The following SCTR variants were observed in gnomAD, a reference collection of about 807,000 sequenced individuals.
SCTR encodes the protein secretin receptor.
Under a neutral mutation model 60.8 loss-of-function variants are expected in SCTR, and 56 were observed. That is an observed-to-expected ratio of 0.92 (90% CI 0.74 to 1.15). The LOEUF (loss-of-function observed/expected upper bound fraction) is 1.15. Ranked by LOEUF, SCTR falls within the 50% of genes most tolerant of loss-of-function variation. The pLI is 0.00. For missense variants in SCTR, 562 were observed against 550.4 expected, an observed-to-expected ratio of 1.02 and a Z score of -0.21; for synonymous variants, 202 against 217.0, an observed-to-expected ratio of 0.93 and a Z score of 0.61.
intron 11 of SCTR, among the ~76,000 whole-genome samples, chr2:119,442,339 C>A (rs970546283): frequency 3.9e-5 from 6 of 152,226 alleles, no homozygotes; most frequent in African/African-American, 9.6e-5. Flanking sequence ...CAGCAGGAAG[C>A]AGTGTCTCTG....
At chr2:119,486,663 G>A (rs1363389382) in intron 2 of SCTR, 1 of 152,196 alleles carries the variant, frequency 6.6e-6, no homozygotes, top group African/African-American at 2.4e-5. Context: ...GCTGAGTCCT[G>A]TTTCGGCTCT....
chr2:119,460,158 G>A (rs1358781715), intron 7 of SCTR, among the ~76,000 whole-genome samples: 1 of 151,852 alleles, frequency 6.6e-6, no homozygotes, highest in Non-Finnish European at 1.5e-5. Flanking sequence ...CCCTGATCGG[G>A]AGACAGGGCC....
At chr2:119,443,464 A>G (rs1304453957) in intron 11 of SCTR, among the ~76,000 whole-genome samples, 1 of 152,156 alleles carries the variant, frequency 6.6e-6, no homozygotes. Flanking sequence ...TTTTCTTATT[A>G]TTTTTCTTTT....
chr2:119,452,169 G>A (rs748577345), intron 8 of SCTR, 90 bp from the exon 9 acceptor site: 7 of 772,418 alleles, frequency 9.1e-6, no homozygotes, highest in South Asian at 4.6e-5. Flanking sequence ...GTGGCCCTTG[G>A]TATGAAGGAC....
intron 1 of SCTR, among the ~76,000 whole-genome samples, chr2:119,522,744 G>A (rs557983405): frequency 1.3e-5 from 2 of 152,302 alleles, no homozygotes; most frequent in East Asian, 1.9e-4. Flanking sequence ...CAAGGAAGGA[G>A]CTATTGCCTC....
At chr2:119,466,764 T>TATACATACATACATAC (rs3052360) in intron 4 of SCTR, among the ~76,000 whole-genome samples, 47 of 151,088 alleles carry the variant, frequency 3.1e-4, no homozygotes, top group African/African-American at 1.1e-3. Context: ...TAAATAAATA[T>TATACATACATACATAC]ATACATACAT....
In SCTR at chr2:119,518,576, G is replaced by T. The variant is rs142201429; in HGVS notation, c.72+5579C>A. Among the ~76,000 whole-genome samples the T allele has an allele frequency of 3.1e-4, 47 of 152,278 alleles. No homozygotes were observed. The East Asian group carries it at 7.9e-3, about 26-fold the overall frequency. On this transcript the variant is annotated intron_variant, in intron 1 of 12. Transcript: ENST00000019103. ...GAACAGACGCACAATGTAGAGGCTG[G>T]GTGGGCCCCAGGAGTCCATAGGAAT... is the stretch of plus-strand genomic sequence containing the variant.
intron 11 of SCTR, among the ~76,000 whole-genome samples, chr2:119,445,020 T>C (rs17015887): frequency 3.2e-4 from 47 of 145,260 alleles, no homozygotes; most frequent in African/African-American, 1.3e-3. Context: ...TATAAAACTT[T>C]AAAAGATCCT....
intron 1 of SCTR, among the ~76,000 whole-genome samples, chr2:119,516,149 C>T (rs1438197572): frequency 6.6e-6 from 1 of 152,174 alleles, no homozygotes; most frequent in East Asian, 1.9e-4. Flanking sequence ...TTATGAAAGA[C>T]AGCATGGAGC....
chr2:119,521,642 T>C (rs1403671704), intron 1 of SCTR, among the ~76,000 whole-genome samples: 1 of 152,154 alleles, frequency 6.6e-6, no homozygotes, highest in African/African-American at 2.4e-5. Context: ...CGCCTCCCTA[T>C]ATGGAGTAGA....
intron 3 of SCTR, chr2:119,476,356 G>A (rs1487426056): frequency 6.6e-6 from 1 of 152,216 alleles, no homozygotes; most frequent in African/African-American, 2.4e-5. Flanking sequence ...CACCACCCTG[G>A]AGGGAGCCCA....
At chr2:119,461,754 G>T in intron 7 of SCTR, 93 bp downstream of exon 7, 124 of 739,926 alleles carry the variant, frequency 1.7e-4, no homozygotes, top group Non-Finnish European at 2.4e-4. Context: ...TTAGTTAAGT[G>T]TGGAGCTGGA....
intron 1 of SCTR, among the ~76,000 whole-genome samples, chr2:119,507,501 C>T (rs1327455928): frequency 2.0e-5 from 3 of 152,044 alleles, no homozygotes; most frequent in Non-Finnish European, 4.4e-5. Context: ...AAGAACTCGT[C>T]CCCTGGCTGT....
At chr2:119,456,135 T>C (rs1683368591) in intron 7 of SCTR, among the ~76,000 whole-genome samples, 1 of 149,816 alleles carries the variant, frequency 6.7e-6, no homozygotes, top group African/African-American at 2.5e-5. Context: ...GTCTCAGCTC[T>C]CTGCAACCTC....
chr2:119,470,963 AGTG>A (rs1243826274), intron 4 of SCTR, among the ~76,000 whole-genome samples: 1 of 152,180 alleles, frequency 6.6e-6, no homozygotes, highest in Non-Finnish European at 1.5e-5. Context: ...GACCTCCCAA[AGTG>A]GTGGGATTAC....
At chr2:119,445,587 G>A (rs969229695) in intron 11 of SCTR, among the ~76,000 whole-genome samples, 2 of 152,276 alleles carry the variant, frequency 1.3e-5, no homozygotes, top group Non-Finnish European at 2.9e-5. Flanking sequence ...ACCCCTGCTC[G>A]CAGGCCGAGG....
intron 4 of SCTR, among the ~76,000 whole-genome samples, chr2:119,467,181 C>G (rs570362835): frequency 1.7e-4 from 26 of 152,036 alleles, no homozygotes; most frequent in African/African-American, 6.3e-4. Flanking sequence ...GAGTTCGAGA[C>G]CAGCCTGGAC....
intron 11 of SCTR, among the ~76,000 whole-genome samples, chr2:119,444,454 T>A (rs906198183): frequency 1.4e-4 from 12 of 87,854 alleles, no homozygotes; most frequent in Non-Finnish European, 2.5e-4. Flanking sequence ...TATACGTACG[T>A]ATATATATAC....
chr2:119,521,308 T>C (rs1288501660), intron 1 of SCTR, among the ~76,000 whole-genome samples: 2 of 152,246 alleles, frequency 1.3e-5, no homozygotes, highest in African/African-American at 4.8e-5. Flanking sequence ...CCTTATTTGT[T>C]GCTGCATCAG....
Sources: gnomAD v4.1 joint callset for allele counts (sites outside exome capture counted in the v4.1 genomes callset) on GRCh38, gnomAD v4.1.1 for gene constraint, MANE v1.5 for transcripts, NCBI Gene and HGNC (gene_info 2026-07-23, HGNC 2026-07-21) for gene names.